The following GAB2 variants were observed in gnomAD, a reference collection of about 807,000 sequenced individuals.
GAB2 encodes the protein GRB2-associated-binding protein 2.
In GAB2, 26 loss-of-function variants were observed where a neutral mutation model predicts 65.5. The ratio of observed to expected loss-of-function variants is 0.40; its 90% confidence interval spans 0.29 to 0.55. GAB2 has a LOEUF of 0.55. Ranked by LOEUF, GAB2 falls within the 20% of genes least tolerant of loss-of-function variation. The pLI is 0.53. For synonymous variants in GAB2, 321 were observed against 329.6 expected (o/e 0.97, Z 0.28); for missense variants, 884 against 875.8 (o/e 1.01, Z -0.12).
At chr11:78,392,578 T>TA (rs1202990988) in intron 1 of GAB2, among the ~76,000 whole-genome samples, 1 of 152,072 alleles carries the variant, frequency 6.6e-6, no homozygotes, top group Non-Finnish European at 1.5e-5. Context: ...GAATGATCGA[T>TA]AGAGTCTGAG....
chr11:78,303,223 CTTTT>C (rs75543762), intron 1 of GAB2, among the ~76,000 whole-genome samples: 1 of 151,648 alleles, frequency 6.6e-6, no homozygotes, highest in Non-Finnish European at 1.5e-5. Context: ...ATGGTTTAGG[CTTTT>C]TTTTGTGTCT....
chr11:78,369,921 G>A (rs866243506), intron 1 of GAB2, among the ~76,000 whole-genome samples: 2 of 152,044 alleles, frequency 1.3e-5, no homozygotes, highest in African/African-American at 2.4e-5. Context: ...GATTTATAAC[G>A]AACATGTACC....
intron 3 of GAB2, among the ~76,000 whole-genome samples, chr11:78,246,724 C>A (rs763610464): frequency 1.3e-5 from 2 of 152,130 alleles, no homozygotes; most frequent in African/African-American, 4.8e-5. Flanking sequence ...ATCTTCAACT[C>A]CTGACCTCAG....
In GAB2 at chr11:78,362,338, A is replaced by T. The variant is rs1856444960; in HGVS notation, c.75+55308T>A. 4.6e-5 allele frequency among the ~76,000 whole-genome samples: 7 copies of T among 152,150 alleles called. No individual in the cohort carries two copies. The South Asian group carries it at 1.4e-3, about 31-fold the overall frequency. On this transcript the variant is annotated intron_variant, in intron 1 of 9. Coordinates refer to ENST00000361507, the MANE Select transcript of GAB2 (RefSeq NM_080491.3). ...TGTGTTTAAGCCATGTGCATGTATT[A>T]TCTATTAAATTTAAACATTTTAATA... is the stretch of plus-strand genomic sequence containing the variant.
chr11:78,233,577 C>T lies in GAB2; in HGVS notation c.621-6526G>A, dbSNP rs1382375130. Among the ~76,000 whole-genome samples the T allele has an allele frequency of 5.3e-5, 8 of 152,014 alleles. No individual in the cohort carries two copies. The South Asian group carries it at 6.2e-4, about 12-fold the overall frequency. On this transcript the variant is annotated intron_variant, in intron 3 of 9. Coordinates refer to ENST00000361507, the MANE Select transcript of GAB2 (RefSeq NM_080491.3). Reference sequence around the variant, plus strand: ...ACAAACAAATCCTTTGTTAGATATGCGCGTTGAATATTTTCTCGCATTTTG... The same window carrying T: ...ACAAACAAATCCTTTGTTAGATATGTGCGTTGAATATTTTCTCGCATTTTG...
intron 1 of GAB2, among the ~76,000 whole-genome samples, chr11:78,310,322 G>GA (rs1326284206): frequency 2.7e-5 from 4 of 147,312 alleles, no homozygotes; most frequent in Non-Finnish European, 1.5e-5. Context: ...CTAACACGGT[G>GA]AAACCCCGTC....
chr11:78,335,278 G>T (rs937207369), intron 1 of GAB2, among the ~76,000 whole-genome samples: 9 of 152,196 alleles, frequency 5.9e-5, no homozygotes, highest in African/African-American at 1.2e-4. Flanking sequence ...CGCTTTGGTT[G>T]TCTGTGCTTG....
rs1223386201 is a variant in GAB2 at position 78,218,984 on chromosome 11, G to A, written c.*288C>T. 2 of 378,606 alleles carry A rather than the reference G, an allele frequency of 5.3e-6. No homozygotes were observed. Among genetic ancestry groups the A allele is most frequent in the East Asian group, 1.0e-4 (2 of 19,506 alleles). The allele number at this position is 378,606 out of a possible 1,614,324, so 23.5% of individuals were successfully genotyped here. On this transcript the variant is annotated 3_prime_UTR_variant, in exon 10 of 10. Transcript: ENST00000361507. ...GAGAGTCAGGTCTAAAGGACAGGAA[G>A]AGGCTGAAGGATGCTTTTTGGAAGT... is the stretch of plus-strand genomic sequence containing the variant.
Position 78,219,005 on chromosome 11 carries a change from G to T in GAB2, c.*267C>A. 2.3e-6 allele frequency: 1 copy of T among 436,792 alleles called. No homozygotes were observed. Among genetic ancestry groups the T allele is most frequent in the Non-Finnish European group, 4.1e-6 (1 of 242,828 alleles). The allele number at this position is 436,792 out of a possible 1,614,324, so 27.1% of individuals were successfully genotyped here. A position where few individuals can be genotyped will look rare whatever the true frequency, so the allele number is the denominator to read the frequency against. The stretch of plus-strand genomic sequence containing the variant: ...GGAAGAGGCTGAAGGATGCTTTTTG[G>T]AAGTAGCTCCTAACTAAGGTGGGTG... On this transcript the variant is annotated 3_prime_UTR_variant, in exon 10 of 10. Transcript: ENST00000361507.
chr11:78,414,561 T>C (rs1466310655), intron 1 of GAB2, among the ~76,000 whole-genome samples: 2 of 152,204 alleles, frequency 1.3e-5, no homozygotes, highest in Non-Finnish European at 2.9e-5. Context: ...TACGTGTGTA[T>C]GCATTTGCAT....
chr11:78,350,909 G>A (rs192861115), intron 1 of GAB2, among the ~76,000 whole-genome samples: 2 of 152,354 alleles, frequency 1.3e-5, no homozygotes, highest in Admixed American at 6.5e-5. Context: ...ATTTTGAACA[G>A]TGGTTTGAGA....
chr11:78,318,887 G>A (rs549106181), intron 1 of GAB2, among the ~76,000 whole-genome samples: 1 of 152,130 alleles, frequency 6.6e-6, no homozygotes, highest in African/African-American at 2.4e-5. Flanking sequence ...ATCCCTTCCC[G>A]CACTGGAGCT....
At chr11:78,352,341 C>T (rs1856291299) in intron 1 of GAB2, among the ~76,000 whole-genome samples, 1 of 152,214 alleles carries the variant, frequency 6.6e-6, no homozygotes, top group African/African-American at 2.4e-5. Context: ...TCTCATACCA[C>T]GTCATCCCCG....
chr11:78,293,574 A>T (rs114133918), intron 1 of GAB2, among the ~76,000 whole-genome samples: 1,713 of 152,274 alleles, frequency 0.011, 27 homozygotes, highest in African/African-American at 0.04. Flanking sequence ...CTCCAACTAT[A>T]GGCTTCAAGG....
chr11:78,331,669 T>C (rs528138727), intron 1 of GAB2, among the ~76,000 whole-genome samples: 356 of 152,282 alleles, frequency 2.3e-3, no homozygotes, highest in Middle Eastern at 0.01. Context: ...CCTCTTTCTC[T>C]AAGCTTGAAG....
At chr11:78,416,419 T>C (rs1316566736) in intron 1 of GAB2, among the ~76,000 whole-genome samples, 1 of 152,226 alleles carries the variant, frequency 6.6e-6, no homozygotes, top group African/African-American at 2.4e-5. Context: ...GATTCTGATC[T>C]GGGGAGCCAA....
At position 78,250,191 on chromosome 11, in the gene GAB2, G is replaced by T. The variant is rs777688031; in HGVS notation, c.586C>A (p.His196Asn). The T allele has an allele frequency of 3.7e-6, 6 of 1,613,278 alleles. No individual in the cohort carries two copies. The highest frequency in any genetic ancestry group is 2.2e-5 in the South Asian group (2 of 90,936). ...TSAPQEYLYL[H>N]QCISRRAENA... is the part of the protein sequence containing the mutation. ...TCTGCTCTTCGGCTTATGCACTGGT[G>T]CAAGTAGAGATACTCCTGAGGTGCG... Residue 196 changes from histidine (H) to asparagine (N), a missense_variant, in exon 3 of 10, where the codon CAC becomes AAC. Transcript: ENST00000361507.
intron 1 of GAB2, among the ~76,000 whole-genome samples, chr11:78,311,939 C>T (rs974107539): frequency 3.9e-5 from 6 of 152,086 alleles, no homozygotes; most frequent in Non-Finnish European, 2.9e-5. Flanking sequence ...AGAGTTCTAC[C>T]GACAATTTTA....
In GAB2 at chr11:78,228,201, G is replaced by A. The variant is rs535584581; in HGVS notation, c.621-1150C>T. ...TCTACAAGCCCTTCGTTTCACAAGA[G>A]TGGTTTTCAAACTAGATTCCAGGTT... On this transcript the variant is annotated intron_variant, in intron 3 of 9. Coordinates refer to ENST00000361507, the MANE Select transcript of GAB2 (RefSeq NM_080491.3). Among the ~76,000 whole-genome samples, 5 of 152,312 alleles carry A rather than the reference G, an allele frequency of 3.3e-5. No homozygotes were observed. The South Asian group carries it at 8.3e-4, about 25-fold the overall frequency.
Sources: gnomAD v4.1 joint callset for allele counts (sites outside exome capture counted in the v4.1 genomes callset) on GRCh38, gnomAD v4.1.1 for gene constraint, MANE v1.5 for transcripts, NCBI Gene and HGNC (gene_info 2026-07-23, HGNC 2026-07-21) for gene names.